Variants in FAM184A observed in about 807,000 individuals in gnomAD.
FAM184A encodes family with sequence similarity 184 member A.
FAM184A carries 99 observed loss-of-function variants against 143.8 expected under a neutral mutation model. The observed-to-expected ratio is 0.69, with a 90% CI of 0.58 to 0.81. The LOEUF (loss-of-function observed/expected upper bound fraction) is 0.81. Ranked by LOEUF, FAM184A falls within the 40% of genes least tolerant of loss-of-function variation. The pLI, the probability that FAM184A is intolerant of heterozygous loss-of-function variation, is 0.00. For synonymous variants in FAM184A, 427 were observed against 446.4 expected, an observed-to-expected ratio of 0.96 and a Z score of 0.55; for missense variants, 1,217 against 1,310.5, an observed-to-expected ratio of 0.93 and a Z score of 1.10.
chr6:119,068,800 A>T (rs541770801), intron 1 of FAM184A, among the ~76,000 whole-genome samples: 1 of 152,128 alleles, frequency 6.6e-6, no homozygotes, highest in Non-Finnish European at 1.5e-5. Context: ...ATTTGTAACC[A>T]GAATATGTCA....
chr6:119,023,089 G>C lies in FAM184A; in HGVS notation c.1015-9C>G, dbSNP rs1302485856. 4 of 1,613,394 alleles carry C rather than the reference G, an allele frequency of 2.5e-6. No homozygotes were observed. The African/African-American group carries it at 4.0e-5, about 16-fold the overall frequency. ...AGCTGTTTTTGAAGAACCTAAGAAA[G>C]ATTAAATAGCCATTGTTAAAATGCA... On this transcript the variant is annotated splice_polypyrimidine_tract_variant and intron_variant, in intron 2 of 17. Transcript: ENST00000338891.
At chr6:119,139,946 C>T (rs1772161522) in intron 1 of FAM184A, among the ~76,000 whole-genome samples, 1 of 152,356 alleles carries the variant, frequency 6.6e-6, no homozygotes, top group Non-Finnish European at 1.5e-5. Flanking sequence ...GCAGCTGCTG[C>T]CATCATCTGT....
At chr6:119,098,298 C>T (rs948838928) in intron 1 of FAM184A, among the ~76,000 whole-genome samples, 2 of 152,190 alleles carry the variant, frequency 1.3e-5, no homozygotes, top group Admixed American at 6.5e-5. Flanking sequence ...ACTGTGAGTC[C>T]ATTAAACCTC....
chr6:118,977,986 A>C (rs113320639), intron 11 of FAM184A, among the ~76,000 whole-genome samples: 1 of 152,030 alleles, frequency 6.6e-6, no homozygotes, highest in African/African-American at 2.4e-5. Context: ...TTTTTGAGAC[A>C]GAGTTTTGCT....
Position 119,006,635 on chromosome 6 carries a change from A to G in FAM184A, c.1654-27T>C, listed in dbSNP as rs78679580. 9.8e-4 allele frequency: 1,520 copies of G among 1,548,668 alleles called. 14 individuals carry two copies. In the African/African-American group the frequency reaches 0.019, roughly 19 times the overall value. On this transcript the variant is annotated intron_variant, in intron 6 of 17. Coordinates refer to ENST00000338891, the MANE Select transcript of FAM184A (RefSeq NM_024581.6). ...TGTAAGTAAATAGAGTACTTTTAATATATTTCATTGTAATAGAATAGCAAA... is the reference window on the plus strand; with the variant it reads ...TGTAAGTAAATAGAGTACTTTTAATGTATTTCATTGTAATAGAATAGCAAA...
chr6:119,017,415 G>A (rs1220347523), intron 4 of FAM184A, among the ~76,000 whole-genome samples: 5 of 151,186 alleles, frequency 3.3e-5, no homozygotes, highest in East Asian at 3.9e-4. Context: ...GGAGAATGGC[G>A]TGAAACTGGG....
chr6:119,068,176 A>G (rs930147123), intron 1 of FAM184A, among the ~76,000 whole-genome samples: 3 of 151,246 alleles, frequency 2.0e-5, no homozygotes, highest in African/African-American at 4.9e-5. Context: ...CCTCCCGAGT[A>G]GCTGGGATTA....
chr6:119,036,702 T>G lies in FAM184A; in HGVS notation c.160-11889A>C, dbSNP rs144220395. Among the ~76,000 whole-genome samples the G allele has an allele frequency of 6.6e-4, 101 of 152,298 alleles. No homozygotes were observed. In the East Asian group the frequency reaches 0.014, roughly 22 times the overall value. ...CAAACATTTTGTGAATGCTCAGTAC[T>G]TTTTTATATGCATTCTGGCAAAGAA... On this transcript the variant is annotated intron_variant, in intron 1 of 17. Transcript: ENST00000338891.
intron 14 of FAM184A, among the ~76,000 whole-genome samples, chr6:118,972,559 A>G (rs1310950824): frequency 6.6e-6 from 1 of 152,216 alleles, no homozygotes; most frequent in Non-Finnish European, 1.5e-5. Context: ...AGTCTAGAAA[A>G]GCAGGTAGTT....
In FAM184A at chr6:119,078,335, G is replaced by T. The variant is rs1410645965; in HGVS notation, c.-36C>A. 5 of 1,419,606 alleles carry T rather than the reference G, an allele frequency of 3.5e-6. No homozygotes were observed. The highest frequency in any genetic ancestry group is 4.3e-4 in the Middle Eastern group (2 of 4,632). The allele number at this position is 1,419,606 out of a possible 1,614,324, so 87.9% of individuals were successfully genotyped here. A position where few individuals can be genotyped will look rare whatever the true frequency, so the allele number is the denominator to read the frequency against. On this transcript the variant is annotated 5_prime_UTR_variant, in exon 1 of 18. Coordinates refer to ENST00000338891, the MANE Select transcript of FAM184A (RefSeq NM_024581.6). The surrounding 1 kb of genome is among the most constrained non-coding windows in gnomAD (Gnocchi z 5.5). ...GACCCCAGCCGGGGCACCTGTCCCC[G>T]CGGGTGGAGGCAGGCCCGTGGAGCA...
chr6:118,990,898 TAAAC>T (rs1210064667), intron 9 of FAM184A, among the ~76,000 whole-genome samples: 1 of 151,610 alleles, frequency 6.6e-6, no homozygotes, highest in Non-Finnish European at 1.5e-5. Flanking sequence ...TCAAAATAAA[TAAAC>T]AAATAAAAAA....
chr6:118,991,296 G>A (rs2114611234), intron 9 of FAM184A, among the ~76,000 whole-genome samples: 1 of 151,878 alleles, frequency 6.6e-6, no homozygotes, highest in Non-Finnish European at 1.5e-5. Flanking sequence ...CTGAGTAGCT[G>A]GGATTACAGG....
rs753994706 is a variant in FAM184A, at chr6:119,024,465, G to A, written c.508C>T (p.Arg170Trp). 56 of 1,613,490 alleles carry A rather than the reference G, an allele frequency of 3.5e-5. No individual in the cohort carries two copies. The Admixed American group carries it at 3.7e-4, about 11-fold the overall frequency. The stretch of plus-strand genomic sequence containing the variant: ...TGTACTTGAAGTTGTCCAAAGCTCC[G>A]TAATTTTTCTTCAAATTTCCTTCTA... ...EIRRKFEEKLRSFGQLQVQFE... is the reference protein window; with the variant it reads ...EIRRKFEEKLWSFGQLQVQFE... Residue 170 changes from arginine to tryptophan, a missense_variant, in exon 2 of 18, where the codon CGG becomes TGG. Physicochemically the swap from Arg to Trp is moderately radical, Grantham distance 101 (BLOSUM62 -3). Coordinates refer to ENST00000338891, the MANE Select transcript of FAM184A (RefSeq NM_024581.6).
intron 1 of FAM184A, among the ~76,000 whole-genome samples, chr6:119,117,441 A>G (rs574483022): frequency 9.8e-5 from 15 of 152,356 alleles, no homozygotes; most frequent in Non-Finnish European, 1.5e-4. Context: ...TCAGTAGGCC[A>G]TACTGCCACA....
Position 119,087,740 on chromosome 6 carries a change from C to T in FAM184A, c.-202+61338G>A, listed in dbSNP as rs978915397. ...TTACTGTATGATTCAGAAATTTCAC[C>T]TCTAAGTATATACCCAAAATAATTG... On this transcript the variant is annotated intron_variant, in intron 1 of 16. Coordinates refer to the FAM184A transcript ENST00000352896. Among the ~76,000 whole-genome samples, 7 of 152,092 alleles carry T rather than the reference C, an allele frequency of 4.6e-5. No individual in the cohort carries two copies. The East Asian group carries it at 1.3e-3, about 29-fold the overall frequency.
rs1491454245 is a variant in FAM184A at position 118,970,009 on chromosome 6, T to TATATATATATA, written c.2916-3058_2916-3057insTATATATATAT. On this transcript the variant is annotated intron_variant, in intron 14 of 17. Coordinates refer to ENST00000338891, the MANE Select transcript of FAM184A (RefSeq NM_024581.6). The stretch of plus-strand genomic sequence containing the variant: ...TATATATATAATATATATATATATA[T>TATATATATATA]TTTTTTTTTTTTGAGATGGAGTTTT... 1.0e-3 allele frequency among the ~76,000 whole-genome samples: 24 copies of TATATATATATA among 23,272 alleles called. 2 individuals carry two copies. Among genetic ancestry groups the TATATATATATA allele is most frequent in the South Asian group, 2.6e-3 (2 of 782 alleles). The allele number at this position is 23,272 out of a possible 152,430, so 15.3% of individuals were successfully genotyped here. A position where few individuals can be genotyped will look rare whatever the true frequency, so the allele number is the denominator to read the frequency against.
rs370572030 is a variant in FAM184A, at chr6:119,108,500, G to A, written c.-202+40578C>T. ...AATTTTTTTTTTCTTTGCCTCTGCC[G>A]AAATTCCATGATGGTGTACTGGGGT... is the stretch of plus-strand genomic sequence containing the variant. On this transcript the variant is annotated intron_variant, in intron 1 of 16. Coordinates refer to the FAM184A transcript ENST00000352896. Among the ~76,000 whole-genome samples the A allele has an allele frequency of 2.2e-3, 337 of 152,144 alleles. 1 individual carries two copies. The highest frequency in any genetic ancestry group is 5.6e-3 in the African/African-American group (232 of 41,506).
chr6:118,971,769 T>TA (rs1189792044), intron 14 of FAM184A, among the ~76,000 whole-genome samples: 6 of 152,186 alleles, frequency 3.9e-5, no homozygotes, highest in African/African-American at 1.4e-4. Context: ...CTACAATACT[T>TA]ACAGACTTAG....
intron 6 of FAM184A, among the ~76,000 whole-genome samples, chr6:119,008,725 A>G (rs567879104): frequency 6.6e-6 from 1 of 152,334 alleles, no homozygotes; most frequent in South Asian, 2.1e-4. Context: ...GTCTACCTCT[A>G]TTTGTTCTTC....
Sources: gnomAD v4.1 joint callset for allele counts (sites outside exome capture counted in the v4.1 genomes callset) on GRCh38, gnomAD v4.1.1 for gene constraint, Gnocchi (gnomAD v3.1) non-coding constraint, MANE v1.5 for transcripts, NCBI Gene and HGNC (gene_info 2026-07-23, HGNC 2026-07-21) for gene names.